Variants in CPSF7 observed in about 807,000 individuals in gnomAD.
CPSF7 encodes cleavage and polyadenylation specificity factor subunit 7.
A neutral mutation model predicts 44.3 loss-of-function variants in CPSF7; 1 was observed. The observed-to-expected ratio is 0.02, with a 90% CI of 0.01 to 0.11. CPSF7 has a LOEUF of 0.11. Among genes scored for constraint, CPSF7 ranks in the 10% least tolerant of loss-of-function variants. The pLI is 1.00. For synonymous variants in CPSF7, 202 were observed against 222.0 expected, an observed-to-expected ratio of 0.91 and a Z score of 0.80; for missense variants, 443 against 607.2, an observed-to-expected ratio of 0.73 and a Z score of 2.84.
chr11:61,426,550 T>G (rs932013532), intron 2 of CPSF7: 1 of 152,216 alleles, frequency 6.6e-6, no homozygotes, highest in African/African-American at 2.4e-5. Context: ...TTAGCCTGTC[T>G]TAGACCCATA....
At position 61,429,965 on chromosome 11, in the gene CPSF7, A is replaced by G. The variant is rs1204503801; in HGVS notation, c.-107T>C. On this transcript the variant is annotated 5_prime_UTR_variant, in exon 1 of 10. Coordinates refer to ENST00000439958, the MANE Select transcript of CPSF7 (RefSeq NM_001142565.3). ...GTCCGGACTAGGCCCGAAGCGCGCG[A>G]ACCGCTCTCCGCCCCAGGTCCCGCC... is the stretch of plus-strand genomic sequence containing the variant. The G allele has an allele frequency of 7.7e-7, 1 of 1,297,930 alleles. No individual in the cohort carries two copies. The highest frequency in any genetic ancestry group is 1.6e-5 in the African/African-American group (1 of 61,520). 80.4% of individuals were successfully genotyped at this position (1,297,930 alleles called of 1,614,324 possible).
rs1176076898 is a variant in CPSF7, at chr11:61,419,069, C to T, written c.523+880G>A. On this transcript the variant is annotated intron_variant, in intron 5 of 9. Coordinates refer to ENST00000439958, the MANE Select transcript of CPSF7 (RefSeq NM_001142565.3). ...ATGGAGTCTTGCTCTGTTGCCCAGG[C>T]TGGAGTGCAGTGGTCTGATCTCAGC... Among the ~76,000 whole-genome samples the T allele has an allele frequency of 2.0e-5, 3 of 152,114 alleles. No individual in the cohort carries two copies. In the East Asian group the frequency reaches 5.8e-4, roughly 29 times the overall value.
intron 2 of CPSF7, chr11:61,428,959 T>C (rs773092245): frequency 2.4e-5 from 9 of 372,750 alleles, no homozygotes; most frequent in African/African-American, 6.2e-5. Flanking sequence ...ACCTGCTTTT[T>C]ATTTGCTCTT....
At chr11:61,416,069 C>A (rs751191361) in intron 6 of CPSF7, 36 bp downstream of exon 6, 2 of 1,477,894 alleles carry the variant, frequency 1.4e-6, no homozygotes, top group Non-Finnish European at 1.8e-6. Flanking sequence ...CACTTATTTA[C>A]CCTGGCTCAA....
At chr11:61,422,314 A>G (rs961214677) in intron 2 of CPSF7, among the ~76,000 whole-genome samples, 4 of 151,716 alleles carry the variant, frequency 2.6e-5, no homozygotes, top group Admixed American at 6.6e-5. Context: ...TGTATCTAGG[A>G]GACTTTTTTT....
chr11:61,410,696 C>T, intron 9 of CPSF7: 1 of 344,770 alleles, frequency 2.9e-6, no homozygotes, highest in Middle Eastern at 8.0e-4. Context: ...TGAATGCAGA[C>T]ACCATACTCT....
rs1859121528 is a variant in CPSF7 at position 61,404,384 on chromosome 11, A to T, written c.*326T>A. On this transcript the variant is annotated 3_prime_UTR_variant, in exon 10 of 10. Transcript: ENST00000439958. ...CTCACCATTGAACGGCTCCCGGAGAATCAGAAACTCATACGTTTTCTTGGA... is the reference window on the plus strand; with the variant it reads ...CTCACCATTGAACGGCTCCCGGAGATTCAGAAACTCATACGTTTTCTTGGA... 1 of 152,584 alleles carries T rather than the reference A, an allele frequency of 6.6e-6. No homozygotes were observed. Among genetic ancestry groups the T allele is most frequent in the South Asian group, 2.1e-4 (1 of 4,832 alleles). The allele number at this position is 152,584 out of a possible 1,614,324, so 9.5% of individuals were successfully genotyped here. A position where few individuals can be genotyped will look rare whatever the true frequency, so the allele number is the denominator to read the frequency against.
At chr11:61,406,692 CA>C (rs1859354516) in intron 9 of CPSF7, among the ~76,000 whole-genome samples, 1 of 152,168 alleles carries the variant, frequency 6.6e-6, no homozygotes, top group Admixed American at 6.5e-5. Flanking sequence ...TCAAAGTTAC[CA>C]AAAGAGAGTT....
chr11:61,419,910 G>T (rs1223760571), intron 5 of CPSF7, 39 bp downstream of exon 5: 1 of 1,604,106 alleles, frequency 6.2e-7, no homozygotes. Context: ...CATACAGATG[G>T]TCTCCACGTA....
intron 5 of CPSF7, among the ~76,000 whole-genome samples, chr11:61,419,370 T>A (rs1391398433): frequency 6.6e-6 from 1 of 152,146 alleles, no homozygotes; most frequent in Non-Finnish European, 1.5e-5. Context: ...GACTAAAACA[T>A]TTGGTAATCA....
Position 61,415,684 on chromosome 11 carries a change from C to T in CPSF7, c.1039G>A (p.Val347Ile), listed in dbSNP as rs377249463. Residue 347 changes from valine (V) to isoleucine (I), a missense_variant, in exon 7 of 10, where the codon GTA (valine) becomes ATA (isoleucine). Transcript: ENST00000439958. ...AISSSAISKA[V>I]SGASAGDYSD... ...GAGTTACCTGCACTGGCTCCAGATA[C>T]TGCTTTGGAAATGGCACTGCTGGAA... The T allele has an allele frequency of 2.5e-6, 4 of 1,611,966 alleles. No homozygotes were observed. The African/African-American group carries it at 4.0e-5, about 16-fold the overall frequency.
intron 2 of CPSF7, among the ~76,000 whole-genome samples, chr11:61,428,212 T>C (rs1027075820): frequency 6.6e-6 from 1 of 152,250 alleles, no homozygotes; most frequent in Admixed American, 6.5e-5. Context: ...GTCAGGGTCT[T>C]GTTCTGTTGC....
intron 9 of CPSF7, among the ~76,000 whole-genome samples, chr11:61,408,161 A>G (rs1031664381): frequency 6.7e-6 from 1 of 148,936 alleles, no homozygotes; most frequent in African/African-American, 2.5e-5. Flanking sequence ...GGTTCATGCC[A>G]TTCTCCTGCC....
At chr11:61,427,308 A>T (rs966264702) in intron 2 of CPSF7, 1 of 152,066 alleles carries the variant, frequency 6.6e-6, no homozygotes, top group African/African-American at 2.4e-5. Context: ...TTGTAACTAA[A>T]TTAACATCTA....
At chr11:61,411,638 G>A (rs767812369) in intron 8 of CPSF7, 131 bp downstream of exon 8, 32 of 710,128 alleles carry the variant, frequency 4.5e-5, no homozygotes, top group Non-Finnish European at 7.3e-5. Flanking sequence ...TCCCCAAAAA[G>A]ACATGAAGGC....
chr11:61,420,990 A>T, intron 3 of CPSF7: 1 of 963,418 alleles, frequency 1.0e-6, no homozygotes, highest in Non-Finnish European at 1.5e-6. Context: ...AACTTGCAGA[A>T]CAACAGTCAC....
rs141273464 is a variant in CPSF7, at chr11:61,427,978, A to G, written c.54+1204T>C. Among the ~76,000 whole-genome samples, 947 of 152,356 alleles carry G rather than the reference A, an allele frequency of 6.2e-3. 5 individuals are homozygous for G. Among genetic ancestry groups the G allele is most frequent in the Non-Finnish European group, 0.01 (709 of 68,034 alleles). The stretch of plus-strand genomic sequence containing the variant: ...CCAGGGAACTTTCCCTTTCTAACCC[A>G]TTCAATACATGCTCTTACCAGGTCC... On this transcript the variant is annotated intron_variant, in intron 2 of 9. Transcript: ENST00000439958.
intron 9 of CPSF7, among the ~76,000 whole-genome samples, chr11:61,408,282 C>T (rs971740222): frequency 2.6e-5 from 4 of 151,840 alleles, no homozygotes; most frequent in African/African-American, 9.7e-5. Flanking sequence ...AGGATGGTCT[C>T]GGTCGGGATA....
intron 9 of CPSF7, among the ~76,000 whole-genome samples, chr11:61,405,257 CCTT>C (rs1451753356): frequency 5.3e-5 from 8 of 152,164 alleles, no homozygotes; most frequent in Non-Finnish European, 8.8e-5. Context: ...ACTCTTAAAT[CCTT>C]CTTTTTTCTT....
Sources: gnomAD v4.1 joint callset for allele counts (sites outside exome capture counted in the v4.1 genomes callset) on GRCh38, gnomAD v4.1.1 for gene constraint, MANE v1.5 for transcripts, NCBI Gene and HGNC (gene_info 2026-07-23, HGNC 2026-07-21) for gene names.